Variants in MYSM1 observed in about 807,000 individuals in gnomAD.
MYSM1 encodes Myb like, SWIRM and MPN domains 1, also known as deubiquitinase MYSM1.
A neutral mutation model predicts 116.0 loss-of-function variants in MYSM1; 51 were observed. The ratio of observed to expected loss-of-function variants is 0.44; its 90% CI spans 0.35 to 0.56. MYSM1 has a LOEUF of 0.56. Ranked by LOEUF, MYSM1 falls within the 20% of genes least tolerant of loss-of-function variation. The pLI is 0.00. For missense variants in MYSM1, 900 were observed against 974.9 expected (o/e 0.92, Z 1.02); for synonymous variants, 313 against 315.2 (o/e 0.99, Z 0.07).
rs1203085696 is a variant in MYSM1 at position 58,699,997 on chromosome 1, C to T, written c.56G>A (p.Gly19Glu). 13 of 1,613,620 alleles carry T rather than the reference C, an allele frequency of 8.1e-6. No homozygotes were observed. Among genetic ancestry groups the T allele is most frequent in the Non-Finnish European group, 1.0e-5 (12 of 1,179,996 alleles). The stretch of plus-strand genomic sequence containing the variant: ...CTCTAAGCCTCACCCTGGCTGTGCC[C>T]CCGCCGCCGCTACCACGTCCCCTTC... The part of the protein sequence containing the change: ...DIEGDVVAAA[G>E]AQPGSGENTA... The change falls in exon 1 of 20, where the codon GGG becomes GAG. Residue 19 changes from glycine to glutamate, a missense_variant. By Grantham distance (98) the Gly-to-Glu change is moderately conservative. This residue lies in a region of MYSM1 where 622 missense variants were observed against 623.7 expected (regional missense o/e 1.00). Transcript: ENST00000472487.
chr1:58,667,477 C>T (rs1289746231), intron 15 of MYSM1, among the ~76,000 whole-genome samples: 1 of 152,194 alleles, frequency 6.6e-6, no homozygotes, highest in Non-Finnish European at 1.5e-5. Context: ...CCACATAATA[C>T]CTGTACAAAG....
intron 1 of MYSM1, 157 bp downstream of exon 1, chr1:58,699,828 C>T: frequency 3.0e-6 from 3 of 985,426 alleles, no homozygotes; most frequent in Non-Finnish European, 3.6e-6. Flanking sequence ...TTGGGACAAG[C>T]CGGCGGGCGA....
rs1644660046 is a variant in MYSM1, at chr1:58,676,832, A to C, written c.1390+94T>G. 1.4e-5 allele frequency: 19 copies of C among 1,340,196 alleles called. No homozygotes were observed. The East Asian group carries it at 4.9e-4, about 34-fold the overall frequency. The allele number at this position is 1,340,196 out of a possible 1,614,324, so 83.0% of individuals were successfully genotyped here. A position where few individuals can be genotyped will look rare whatever the true frequency, so the allele number is the denominator to read the frequency against. On this transcript the variant is annotated intron_variant, in intron 9 of 19. Transcript: ENST00000472487. ...CAGCACCTCTGAATTCTATATACCTATAACTACTTGAATTCTAACCATCAT... is the reference window on the plus strand; with the variant it reads ...CAGCACCTCTGAATTCTATATACCTCTAACTACTTGAATTCTAACCATCAT...
Position 58,675,560 on chromosome 1 carries a change from G to A in MYSM1, c.1411C>T (p.Pro471Ser). The change falls in exon 10 of 20, where the codon CCA (proline) becomes TCA (serine). Residue 471 changes from proline (P) to serine (S), a missense_variant. By Grantham distance (74) the Pro-to-Ser change is moderately conservative (BLOSUM62 -1). This residue lies in a region of MYSM1 where 622 missense variants were observed against 623.7 expected (regional missense o/e 1.00). Coordinates refer to ENST00000472487, the MANE Select transcript of MYSM1 (RefSeq NM_001085487.3). ...ATTCGTACTTTGTCAACTGTTTGTG[G>A]CCTATTATACACAGCCTGTTCTATT... is the stretch of plus-strand genomic sequence containing the variant. ...FGCEQAVYNR[P>S]QTVDKVRIRD... The A allele has an allele frequency of 1.9e-6, 3 of 1,613,274 alleles. No homozygotes were observed. Among genetic ancestry groups the A allele is most frequent in the Non-Finnish European group, 2.5e-6 (3 of 1,179,642 alleles).
At chr1:58,675,631 T>G in intron 9 of MYSM1, 51 bp from the exon 10 acceptor site, 1 of 1,411,654 alleles carries the variant, frequency 7.1e-7, no homozygotes, top group Non-Finnish European at 9.9e-7. Flanking sequence ...TGAAACTCAT[T>G]TGTTAAACAG....
At position 58,654,857 on chromosome 1, in the gene MYSM1, G is replaced by A. The variant is rs966655003; in HGVS notation, c.*5140C>T. ...TTATAATGTGTCACAATTAAGTATG[G>A]AGAGTTCTGTCATTTTTGAGGAAAA... is the stretch of plus-strand genomic sequence containing the variant. On this transcript the variant is annotated 3_prime_UTR_variant, in exon 20 of 20. Coordinates refer to ENST00000472487, the MANE Select transcript of MYSM1 (RefSeq NM_001085487.3). The A allele has an allele frequency of 6.6e-6, 1 of 152,126 alleles. No individual in the cohort carries two copies. Among genetic ancestry groups the A allele is most frequent in the Admixed American group, 6.5e-5 (1 of 15,276 alleles). The allele number at this position is 152,126 out of a possible 1,614,324, so 9.4% of individuals were successfully genotyped here.
chr1:58,675,825 T>C (rs999095365), intron 9 of MYSM1, among the ~76,000 whole-genome samples: 17 of 152,222 alleles, frequency 1.1e-4, no homozygotes, highest in Admixed American at 9.8e-4. Context: ...ACAGAAAACA[T>C]GATTTAATTT....
intron 8 of MYSM1, among the ~76,000 whole-genome samples, chr1:58,677,469 AAC>A (rs1242542319): frequency 6.6e-6 from 1 of 152,146 alleles, no homozygotes; most frequent in Non-Finnish European, 1.5e-5. Flanking sequence ...TATTTTGCTT[AAC>A]AGTGTCTTTC....
chr1:58,668,620 G>C lies in MYSM1; in HGVS notation c.1767+12C>G, dbSNP rs1270478203. 3 of 1,599,174 alleles carry C rather than the reference G, an allele frequency of 1.9e-6. No homozygotes were observed. ...TCAGAATAACTAAGTAAACACAATA[G>C]ATTATCCTTACCAAATCCATTATTA... On this transcript the variant is annotated intron_variant, in intron 14 of 19. Coordinates refer to ENST00000472487, the MANE Select transcript of MYSM1 (RefSeq NM_001085487.3).
Position 58,681,954 on chromosome 1 carries a change from C to T in MYSM1, c.1090G>A (p.Glu364Lys). ...AGCTCTTCTTCCTCATGGCTTTCCT[C>T]TACCATTTGGCAAGAATGAAAAAGC... ...EMLFHSCQMVEESHEEEELKP... is the reference protein window; with the variant it reads ...EMLFHSCQMVKESHEEEELKP... Residue 364 changes from glutamate (E) to lysine (K), a missense_variant, in exon 8 of 20, where the codon GAG becomes AAG. Transcript: ENST00000472487. 1 of 1,614,100 alleles carries T rather than the reference C, an allele frequency of 6.2e-7. No individual in the cohort carries two copies. The highest frequency in any genetic ancestry group is 1.3e-5 in the African/African-American group (1 of 75,034).
rs1184343168 is a variant in MYSM1 at position 58,658,701 on chromosome 1, G to C, written c.*1296C>G. 2 of 151,824 alleles carry C rather than the reference G, an allele frequency of 1.3e-5. No homozygotes were observed. The highest frequency in any genetic ancestry group is 4.8e-5 in the African/African-American group (2 of 41,324). 9.4% of individuals were successfully genotyped at this position (151,824 alleles called of 1,614,324 possible). ...TATAAATCAATTCTCTGACTACTAA[G>C]AAATAAACTAAAATCTACTGAATTT... is the stretch of plus-strand genomic sequence containing the variant. On this transcript the variant is annotated 3_prime_UTR_variant, in exon 20 of 20. Transcript: ENST00000472487.
At chr1:58,695,924 T>C (rs1644967485) in intron 1 of MYSM1, among the ~76,000 whole-genome samples, 1 of 152,234 alleles carries the variant, frequency 6.6e-6, no homozygotes, top group African/African-American at 2.4e-5. Flanking sequence ...GCTCAATCCA[T>C]GATATAAATT....
rs1644370284 is a variant in MYSM1 at position 58,660,161 on chromosome 1, TGAAAA to T, written c.2329-11_2329-7del. On this transcript the variant is annotated splice_region_variant and splice_polypyrimidine_tract_variant and intron_variant, in intron 19 of 19. Transcript: ENST00000472487. ...TTCCTCATACACTCCAAAAGCTAGT[TGAAAA>T]GAAAAGTTTTATATTTAAATACAGA... The T allele has an allele frequency of 7.2e-6, 11 of 1,522,728 alleles. No individual in the cohort carries two copies. Among genetic ancestry groups the T allele is most frequent in the Non-Finnish European group, 9.7e-6 (11 of 1,135,666 alleles). 94.3% of individuals were successfully genotyped at this position (1,522,728 alleles called of 1,614,324 possible). A position where few individuals can be genotyped will look rare whatever the true frequency, so the allele number is the denominator to read the frequency against.
At chr1:58,699,868 G>A in intron 1 of MYSM1, 117 bp downstream of exon 1, 2 of 1,506,192 alleles carry the variant, frequency 1.3e-6, no homozygotes, top group Non-Finnish European at 8.9e-7. Context: ...AGAGACCCTG[G>A]CCCAGGGGAC....
Position 58,695,107 on chromosome 1 carries a change from G to A in MYSM1, c.147+22C>T, listed in dbSNP as rs1212262352. On this transcript the variant is annotated intron_variant, in intron 2 of 19. Transcript: ENST00000472487. Reference sequence around the variant, plus strand: ...CAATAAATAACAGCTTAATGCACCTGATATTTTTATAAAATACTTACAATA... The same window carrying A: ...CAATAAATAACAGCTTAATGCACCTAATATTTTTATAAAATACTTACAATA... 2.7e-6 allele frequency: 4 copies of A among 1,479,022 alleles called. No homozygotes were observed. In the South Asian group the frequency reaches 4.6e-5, roughly 17 times the overall value. 91.6% of individuals were successfully genotyped at this position (1,479,022 alleles called of 1,614,324 possible). A position where few individuals can be genotyped will look rare whatever the true frequency, so the allele number is the denominator to read the frequency against.
At position 58,700,020 on chromosome 1, in the gene MYSM1, T is replaced by A. The variant is rs1645039883; in HGVS notation, c.33A>T (p.Glu11Asp). MAAEEADVDIEGDVVAAAGAQ... is the reference protein window; with the variant it reads MAAEEADVDIDGDVVAAAGAQ... ...CCCCCGCCGCCGCTACCACGTCCCCTTCGATATCCACATCCGCCTCTTCAG... is the reference window on the plus strand; with the variant it reads ...CCCCCGCCGCCGCTACCACGTCCCCATCGATATCCACATCCGCCTCTTCAG... The change falls in exon 1 of 20, where the codon GAA (glutamate) becomes GAT (aspartate). Residue 11 changes from glutamate (E) to aspartate (D), a missense_variant. Transcript: ENST00000472487. 6.2e-7 allele frequency: 1 copy of A among 1,613,698 alleles called. No homozygotes were observed. Among genetic ancestry groups the A allele is most frequent in the Non-Finnish European group, 8.5e-7 (1 of 1,180,012 alleles).
At chr1:58,692,536 C>T (rs1290065726) in intron 3 of MYSM1, 2 of 184,592 alleles carry the variant, frequency 1.1e-5, no homozygotes, top group Non-Finnish European at 2.2e-5. Flanking sequence ...TGGGTTTCAG[C>T]TTATATAACT....
At chr1:58,685,325 T>TAAA in intron 6 of MYSM1, 74 bp from the exon 7 acceptor site, 27 of 632,988 alleles carry the variant, frequency 4.3e-5, no homozygotes, top group South Asian at 1.1e-4. Flanking sequence ...ACTACCACAT[T>TAAA]AAAAAAAAAA....
chr1:58,682,126 T>C lies in MYSM1; in HGVS notation c.918A>G (p.Lys306=), dbSNP rs775387252. The C allele has an allele frequency of 1.2e-5, 19 of 1,613,868 alleles. No homozygotes were observed. Among genetic ancestry groups the C allele is most frequent in the Non-Finnish European group, 1.6e-5 (19 of 1,179,872 alleles). The part of the protein sequence containing the change: ...LWTEKQSNGD[K]KSIELNDQKF... ...TCTGGTCATTTAATTCAATTGATTT[T>C]TTGTCACCATTGCTCTGTTTCTCAG... The change falls in exon 8 of 20, where the codon AAA becomes AAG. Residue 306 remains lysine (K), a synonymous_variant. Coordinates refer to ENST00000472487, the MANE Select transcript of MYSM1 (RefSeq NM_001085487.3).
Sources: allele counts gnomAD v4.1 joint callset (sites outside exome capture counted in the v4.1 genomes callset), GRCh38; gene constraint gnomAD v4.1.1; regional missense constraint gnomAD v4.1.1; transcripts MANE v1.5; gene names NCBI Gene and HGNC (gene_info 2026-07-23, HGNC 2026-07-21).